The following NAALADL2 variants were observed in gnomAD, a reference collection of about 807,000 sequenced individuals.
NAALADL2 encodes inactive N-acetylated-alpha-linked acidic dipeptidase-like protein 2.
In NAALADL2, 76 loss-of-function variants were observed where a neutral mutation model predicts 87.2. That is an observed-to-expected ratio of 0.87 (90% CI 0.72 to 1.05). NAALADL2 has a LOEUF of 1.05. Among genes scored for constraint, NAALADL2 ranks in the 50% least tolerant of loss-of-function variants. NAALADL2 has a pLI of 0.00. For synonymous variants in NAALADL2, 354 were observed against 331.0 expected (o/e 1.07, Z -0.75); for missense variants, 1,089 against 945.8 (o/e 1.15, Z -1.99).
chr3:175,265,972 G>GGGACA (rs144002176), intron 4 of NAALADL2, among the ~76,000 whole-genome samples: 1 of 149,638 alleles, frequency 6.7e-6, no homozygotes, highest in Admixed American at 6.7e-5. Flanking sequence ...AAACACTATT[G>GGGACA]GGTTTATAGA....
At chr3:174,727,363 G>T (rs1732301092) in intron 2 of NAALADL2, among the ~76,000 whole-genome samples, 1 of 151,680 alleles carries the variant, frequency 6.6e-6, no homozygotes, top group Admixed American at 6.6e-5. Context: ...AATGGGTAAT[G>T]TTCACTCATT....
intron 1 of NAALADL2, among the ~76,000 whole-genome samples, chr3:174,945,439 A>G (rs1302853936): frequency 1.3e-5 from 2 of 152,168 alleles, no homozygotes; most frequent in Non-Finnish European, 2.9e-5. Context: ...TACATTTAAA[A>G]TTCTAATCTT....
intron 2 of NAALADL2, among the ~76,000 whole-genome samples, chr3:175,146,564 A>C (rs534340398): frequency 9.2e-5 from 14 of 152,300 alleles, no homozygotes; most frequent in Middle Eastern, 6.8e-3. Flanking sequence ...TTTGCTTCAC[A>C]AAGTAGGGCA....
intron 2 of NAALADL2, among the ~76,000 whole-genome samples, chr3:174,618,312 C>T (rs761724390): frequency 2.6e-5 from 4 of 151,728 alleles, no homozygotes; most frequent in African/African-American, 4.8e-5. Flanking sequence ...TAAAGATTCT[C>T]ATAAATTCAG....
chr3:174,896,290 T>G (rs951570021), intron 1 of NAALADL2, among the ~76,000 whole-genome samples: 1 of 151,924 alleles, frequency 6.6e-6, no homozygotes, highest in African/African-American at 2.4e-5. Flanking sequence ...ACCTAATGAC[T>G]CCACAAGAAA....
At chr3:174,818,996 TA>T (rs939622995) in intron 3 of NAALADL2, among the ~76,000 whole-genome samples, 1 of 151,072 alleles carries the variant, frequency 6.6e-6, no homozygotes, top group Non-Finnish European at 1.5e-5. Flanking sequence ...GCCACTGAGT[TA>T]AAAAGAAGAA....
intron 4 of NAALADL2, among the ~76,000 whole-genome samples, chr3:175,296,471 C>G (rs898718677): frequency 6.6e-6 from 1 of 152,088 alleles, no homozygotes; most frequent in Non-Finnish European, 1.5e-5. Flanking sequence ...ACAGGTTCCC[C>G]GTAACTTTGA....
intron 5 of NAALADL2, among the ~76,000 whole-genome samples, chr3:175,392,598 A>G (rs1452249739): frequency 6.6e-6 from 1 of 152,216 alleles, no homozygotes; most frequent in African/African-American, 2.4e-5. Context: ...TACTTGTCTA[A>G]CATTGACTTT....
At chr3:175,021,662 A>G (rs1751577799) in intron 1 of NAALADL2, among the ~76,000 whole-genome samples, 1 of 152,086 alleles carries the variant, frequency 6.6e-6, no homozygotes, top group African/African-American at 2.4e-5. Flanking sequence ...AGCCTTTCTT[A>G]TCTGCAAACC....
At chr3:174,608,406 T>A (rs918024408) in intron 2 of NAALADL2, among the ~76,000 whole-genome samples, 48 of 151,234 alleles carry the variant, frequency 3.2e-4, no homozygotes, top group Non-Finnish European at 5.7e-4. Flanking sequence ...TCAACAAAAT[T>A]GATAGACCGC....
At chr3:175,525,297 G>A (rs1433590053) in intron 9 of NAALADL2, among the ~76,000 whole-genome samples, 1 of 151,998 alleles carries the variant, frequency 6.6e-6, no homozygotes, top group Middle Eastern at 3.2e-3. Flanking sequence ...AGGTAAGTAG[G>A]ACAAAGCTCA....
intron 1 of NAALADL2, among the ~76,000 whole-genome samples, chr3:174,455,082 C>A (rs1715745644): frequency 6.6e-6 from 1 of 151,676 alleles, no homozygotes; most frequent in African/African-American, 2.4e-5. Context: ...CAAATAACCA[C>A]CAGAGAATAT....
At chr3:175,354,097 A>G (rs1195902930) in intron 5 of NAALADL2, among the ~76,000 whole-genome samples, 1 of 152,156 alleles carries the variant, frequency 6.6e-6, no homozygotes. Context: ...CTTTGCTCCC[A>G]GCCCTTATTT....
At chr3:175,181,719 A>ATATGCATATATATGTGTG in intron 2 of NAALADL2, among the ~76,000 whole-genome samples, 1 of 14,638 alleles carries the variant, frequency 6.8e-5, no homozygotes, top group East Asian at 3.8e-3. Context: ...GTGTGTGTGT[A>ATATGCATATATATGTGTG]TATATATGTA....
intron 3 of NAALADL2, among the ~76,000 whole-genome samples, chr3:174,787,586 T>TATATATATATAC (rs1716855243): frequency 3.5e-5 from 2 of 57,336 alleles, no homozygotes; most frequent in African/African-American, 1.2e-4. Context: ...CATATATATA[T>TATATATATATAC]ATATATATAT....
chr3:174,844,146 T>C (rs1391833755), intron 3 of NAALADL2, among the ~76,000 whole-genome samples: 1 of 152,168 alleles, frequency 6.6e-6, no homozygotes, highest in Admixed American at 6.5e-5. Context: ...TTTCATAGTT[T>C]CAGGTCTTAC....
intron 4 of NAALADL2, among the ~76,000 whole-genome samples, chr3:175,312,060 T>A (rs1758443929): frequency 1.3e-5 from 2 of 152,160 alleles, no homozygotes; most frequent in African/African-American, 4.8e-5. Flanking sequence ...TGAGTATATT[T>A]CTGAAATATA....
intron 6 of NAALADL2, among the ~76,000 whole-genome samples, chr3:175,453,497 G>A (rs144494430): frequency 2.0e-3 from 298 of 152,194 alleles, no homozygotes; most frequent in African/African-American, 7.0e-3. Flanking sequence ...TCCACCAAAA[G>A]CTCTTTAGAG....
intron 1 of NAALADL2, among the ~76,000 whole-genome samples, chr3:175,038,960 A>G (rs549780156): frequency 2.0e-5 from 3 of 152,282 alleles, no homozygotes; most frequent in South Asian, 2.1e-4. Flanking sequence ...GAAAAATGCT[A>G]TCTAGTCAAA....
Sources: allele counts gnomAD v4.1 joint callset (sites outside exome capture counted in the v4.1 genomes callset), GRCh38; gene constraint gnomAD v4.1.1; transcripts MANE v1.5; gene names NCBI Gene and HGNC (gene_info 2026-07-23, HGNC 2026-07-21).